FAM227B: variants seen among roughly 807,000 people sequenced by gnomAD.
FAM227B encodes the protein protein FAM227B.
Under a neutral mutation model 73.8 loss-of-function variants are expected in FAM227B, and 88 were observed. The ratio of observed to expected loss-of-function variants is 1.19; its 90% CI spans 1.00 to 1.42. FAM227B has a LOEUF of 1.42. Among genes scored for constraint, FAM227B ranks in the 40% most tolerant of loss-of-function variants. The probability of loss-of-function intolerance (pLI) is 0.00; values close to 1 mark genes in which losing one functional copy is unlikely to be tolerated. For synonymous variants in FAM227B, 210 were observed against 190.5 expected, an observed-to-expected ratio of 1.10 and a Z score of -0.84; for missense variants, 632 against 590.9, an observed-to-expected ratio of 1.07 and a Z score of -0.72.
At chr15:49,354,236 G>C (rs2042694497) in intron 13 of FAM227B, among the ~76,000 whole-genome samples, 1 of 152,200 alleles carries the variant, frequency 6.6e-6, no homozygotes, top group Non-Finnish European at 1.5e-5. Flanking sequence ...CTGTGTATGG[G>C]GAGGAGCCAA....
intron 8 of FAM227B, 96 bp downstream of exon 8, chr15:49,574,915 A>G: frequency 1.5e-6 from 1 of 652,186 alleles, no homozygotes; most frequent in Non-Finnish European, 2.6e-6. Flanking sequence ...CTGTAGTTGC[A>G]TCCAGAAAAA....
chr15:49,342,431 G>A (rs972527168), intron 13 of FAM227B, among the ~76,000 whole-genome samples: 2 of 152,086 alleles, frequency 1.3e-5, no homozygotes, highest in Admixed American at 6.5e-5. Context: ...GTTGTTACTT[G>A]TAAAAAGGGT....
Position 49,385,201 on chromosome 15 carries a change from T to A in FAM227B, c.1013-13802A>T, listed in dbSNP as rs1361575039. On this transcript the variant is annotated intron_variant, in intron 11 of 15. Coordinates refer to ENST00000299338, the MANE Select transcript of FAM227B (RefSeq NM_152647.3). The stretch of plus-strand genomic sequence containing the variant: ...TGGATCTAACTCCATCTTGACCAAT[T>A]GTTTAAAGTACATTCATGTAACCTT... Among the ~76,000 whole-genome samples the A allele has an allele frequency of 2.0e-5, 3 of 151,938 alleles. No homozygotes were observed. The South Asian group carries it at 6.2e-4, about 31-fold the overall frequency.
chr15:49,549,222 G>A (rs988487897), intron 9 of FAM227B, among the ~76,000 whole-genome samples: 15 of 151,804 alleles, frequency 9.9e-5, no homozygotes, highest in Non-Finnish European at 1.8e-4. Context: ...TTTGTTTAAA[G>A]AGATTTTTCA....
At chr15:49,332,040 G>A (rs1451297572) in intron 14 of FAM227B, among the ~76,000 whole-genome samples, 191 bp from the exon 15 acceptor site, 1 of 151,860 alleles carries the variant, frequency 6.6e-6, no homozygotes, top group Non-Finnish European at 1.5e-5. Flanking sequence ...TGAGGAAACA[G>A]GCTGAGATAG....
intron 11 of FAM227B, among the ~76,000 whole-genome samples, chr15:49,453,348 C>T (rs1436960935): frequency 6.6e-6 from 1 of 152,088 alleles, no homozygotes; most frequent in East Asian, 1.9e-4. Flanking sequence ...AAGCCATTTG[C>T]TCACCTCCGC....
chr15:49,618,425 G>T (rs574041820), intron 1 of FAM227B, among the ~76,000 whole-genome samples: 9 of 152,326 alleles, frequency 5.9e-5, no homozygotes, highest in African/African-American at 1.7e-4. Context: ...TTAGCAGTTT[G>T]CCAGTGTTTG....
chr15:49,555,223 T>C (rs2073524424), intron 9 of FAM227B, among the ~76,000 whole-genome samples: 1 of 152,242 alleles, frequency 6.6e-6, no homozygotes, highest in Non-Finnish European at 1.5e-5. Context: ...TAGCACTCTC[T>C]TCGGGACCTC....
intron 13 of FAM227B, chr15:49,364,988 G>T: frequency 2.4e-6 from 1 of 421,022 alleles, no homozygotes; most frequent in East Asian, 4.6e-5. Flanking sequence ...GTAACTGTCA[G>T]TACCAGCTCA....
chr15:49,397,592 T>C (rs1223708383), intron 11 of FAM227B, among the ~76,000 whole-genome samples: 1 of 151,900 alleles, frequency 6.6e-6, no homozygotes, highest in African/African-American at 2.4e-5. Flanking sequence ...TAAGGGCAGC[T>C]AGAGAGAAAG....
In FAM227B at chr15:49,475,576, A is replaced by C. The variant is rs572337964; in HGVS notation, c.1012+32635T>G. On this transcript the variant is annotated intron_variant, in intron 11 of 15. Transcript: ENST00000299338. ...CAGATTAGCAGATATTTAACAAATAAAATATTATGCTAACTTTATTATTTA... is the reference window on the plus strand; with the variant it reads ...CAGATTAGCAGATATTTAACAAATACAATATTATGCTAACTTTATTATTTA... Among the ~76,000 whole-genome samples, 134 of 152,192 alleles carry C rather than the reference A, an allele frequency of 8.8e-4. 5 individuals are homozygous for C. The South Asian group carries it at 0.027, about 30-fold the overall frequency.
intron 11 of FAM227B, among the ~76,000 whole-genome samples, chr15:49,403,700 C>CAA (rs201083135): frequency 6.7e-6 from 1 of 148,742 alleles, no homozygotes; most frequent in Admixed American, 6.7e-5. Context: ...TAATTTTTTT[C>CAA]AAAAAAAAAC....
chr15:49,362,134 G>C (rs2044348689), intron 13 of FAM227B, among the ~76,000 whole-genome samples: 1 of 151,908 alleles, frequency 6.6e-6, no homozygotes, highest in African/African-American at 2.4e-5. Flanking sequence ...TATTAACATA[G>C]TTTGGCTCTG....
At chr15:49,500,329 A>G (rs2058037215) in intron 11 of FAM227B, among the ~76,000 whole-genome samples, 1 of 152,250 alleles carries the variant, frequency 6.6e-6, no homozygotes, top group Admixed American at 6.5e-5. Context: ...GCAGGCACTC[A>G]ATAACCTGTG....
chr15:49,566,132 T>C (rs1244195778), intron 9 of FAM227B, among the ~76,000 whole-genome samples: 1 of 152,238 alleles, frequency 6.6e-6, no homozygotes, highest in Non-Finnish European at 1.5e-5. Context: ...AGTCACTTAA[T>C]CTATTAGTGC....
intron 9 of FAM227B, among the ~76,000 whole-genome samples, chr15:49,550,039 G>A (rs1269296991): frequency 7.0e-6 from 1 of 143,076 alleles, no homozygotes; most frequent in African/African-American, 2.5e-5. Context: ...TCCCGGACGG[G>A]GCGGCTGGCC....
At chr15:49,567,441 GTTTC>G (rs1293884779) in intron 9 of FAM227B, among the ~76,000 whole-genome samples, 2 of 152,044 alleles carry the variant, frequency 1.3e-5, no homozygotes, top group African/African-American at 2.4e-5. Flanking sequence ...ACTAGTGATA[GTTTC>G]TTTCTATCAA....
intron 11 of FAM227B, among the ~76,000 whole-genome samples, chr15:49,374,829 C>G (rs1376310044): frequency 6.6e-6 from 1 of 152,210 alleles, no homozygotes. Flanking sequence ...CAGGCGTGAG[C>G]CACCATGCCC....
intron 3 of FAM227B, among the ~76,000 whole-genome samples, chr15:49,592,952 A>T (rs1261073525): frequency 2.0e-5 from 3 of 152,198 alleles, no homozygotes; most frequent in African/African-American, 7.2e-5. Flanking sequence ...CTGCTGCACC[A>T]GCAGTGAGCA....
Sources: gnomAD v4.1 joint callset for allele counts (sites outside exome capture counted in the v4.1 genomes callset) on GRCh38, gnomAD v4.1.1 for gene constraint, MANE v1.5 for transcripts, NCBI Gene and HGNC (gene_info 2026-07-23, HGNC 2026-07-21) for gene names.